The following SLC44A5 variants were observed in gnomAD, a reference collection of about 807,000 sequenced individuals.
SLC44A5 encodes choline transporter-like protein 5.
In SLC44A5, 57 loss-of-function variants were observed where a neutral mutation model predicts 101.8. That is an observed-to-expected ratio of 0.56 (90% CI 0.45 to 0.70). The LOEUF (loss-of-function observed/expected upper bound fraction) is 0.70, where lower values mean the gene tolerates loss of function less well. SLC44A5 is among the 30% of genes least tolerant of loss of function. SLC44A5 has a pLI of 0.00. For synonymous variants in SLC44A5, 281 were observed against 290.9 expected, an observed-to-expected ratio of 0.97 and a Z score of 0.35; for missense variants, 737 against 853.1, an observed-to-expected ratio of 0.86 and a Z score of 1.70.
At chr1:75,426,833 G>C (rs761542907) in intron 2 of SLC44A5, among the ~76,000 whole-genome samples, 2 of 152,188 alleles carry the variant, frequency 1.3e-5, no homozygotes, top group African/African-American at 4.8e-5. Flanking sequence ...CTATTCTAGC[G>C]GCACTGATAG....
chr1:75,428,932 T>C (rs1664460391), intron 2 of SLC44A5, among the ~76,000 whole-genome samples: 1 of 152,196 alleles, frequency 6.6e-6, no homozygotes, highest in South Asian at 2.1e-4. Flanking sequence ...CTTTCCACAA[T>C]ACCAAATAGT....
chr1:75,227,796 A>C lies in SLC44A5; in HGVS notation c.915T>G (p.Thr305=), dbSNP rs1161120567. ...TAGTCTGAATCCCGATGTCATAGAT[A>C]GTTAATACAGAACTTGGGCGTTCCT... ...NLQERPSSVL[T]IYDIGIQTNI... The change falls in exon 13 of 24, where the codon ACT becomes ACG. Residue 305 remains threonine, a synonymous_variant. Transcript: ENST00000370859. 1 of 1,599,248 alleles carries C rather than the reference A, an allele frequency of 6.3e-7. No homozygotes were observed. The highest frequency in any genetic ancestry group is 8.5e-7 in the Non-Finnish European group (1 of 1,175,940).
At chr1:75,512,432 G>GT (rs1019535045) in intron 2 of SLC44A5, among the ~76,000 whole-genome samples, 10 of 151,886 alleles carry the variant, frequency 6.6e-5, no homozygotes, top group African/African-American at 1.5e-4. Flanking sequence ...ACTTTCTTGA[G>GT]TTTTTTTTAG....
chr1:75,266,896 C>A (rs1651037539), intron 6 of SLC44A5, among the ~76,000 whole-genome samples: 1 of 152,166 alleles, frequency 6.6e-6, no homozygotes, highest in Non-Finnish European at 1.5e-5. Context: ...GTATCTAAGA[C>A]AGTAAATCAA....
chr1:75,454,700 T>G (rs1384189315), intron 2 of SLC44A5, among the ~76,000 whole-genome samples: 1 of 152,046 alleles, frequency 6.6e-6, no homozygotes, highest in East Asian at 1.9e-4. Flanking sequence ...AATTTCAGGA[T>G]ACAAAATAAA....
At chr1:75,552,046 A>G (rs112693878) in intron 1 of SLC44A5, among the ~76,000 whole-genome samples, 37 of 152,232 alleles carry the variant, frequency 2.4e-4, no homozygotes, top group African/African-American at 8.9e-4. Context: ...TCCATAGTTC[A>G]TCACTCAATA....
intron 5 of SLC44A5, among the ~76,000 whole-genome samples, chr1:75,288,218 T>G (rs1570582404): frequency 6.6e-6 from 1 of 152,356 alleles, no homozygotes; most frequent in South Asian, 2.1e-4. Flanking sequence ...TGTGTTAAGC[T>G]TATAGCTACA....
chr1:75,564,181 G>A (rs1672662327), intron 1 of SLC44A5, among the ~76,000 whole-genome samples: 1 of 152,090 alleles, frequency 6.6e-6, no homozygotes, highest in African/African-American at 2.4e-5. Context: ...ACTGACCTGT[G>A]AAAACAAAAA....
At chr1:75,567,275 A>G (rs1467296811) in intron 1 of SLC44A5, among the ~76,000 whole-genome samples, 1 of 152,204 alleles carries the variant, frequency 6.6e-6, no homozygotes, top group African/African-American at 2.4e-5. Flanking sequence ...TCCCCCACAT[A>G]GATGACAACC....
chr1:75,472,112 G>C (rs1667145821), intron 2 of SLC44A5, among the ~76,000 whole-genome samples: 1 of 151,180 alleles, frequency 6.6e-6, no homozygotes, highest in African/African-American at 2.4e-5. Flanking sequence ...ACTGGGGCCT[G>C]GGTGTTTATT....
chr1:75,496,588 A>G (rs1243840300), intron 2 of SLC44A5, among the ~76,000 whole-genome samples: 2 of 151,014 alleles, frequency 1.3e-5, no homozygotes, highest in African/African-American at 4.9e-5. Context: ...TCACAAGCAC[A>G]CAAGGAAACA....
chr1:75,619,808 T>C, the SLC44A5 span, among the ~76,000 whole-genome samples: 1 of 152,182 alleles, frequency 6.6e-6, no homozygotes, highest in East Asian at 1.9e-4. Flanking sequence ...ATTTGTGTGA[T>C]AGGTGTTTCT....
chr1:75,609,654 A>C (rs1557960258), intron 1 of SLC44A5, among the ~76,000 whole-genome samples: 1 of 152,076 alleles, frequency 6.6e-6, no homozygotes, highest in African/African-American at 2.4e-5. Flanking sequence ...CAGAGGAGAA[A>C]GCAAGCTGCT....
chr1:75,324,818 A>C (rs1471162097), intron 4 of SLC44A5, among the ~76,000 whole-genome samples: 1 of 152,180 alleles, frequency 6.6e-6, no homozygotes, highest in Non-Finnish European at 1.5e-5. Flanking sequence ...TATCTGCTCC[A>C]TGGTTTTAAA....
rs4035634 is a variant in SLC44A5, at chr1:75,271,497, T to TTGTGTGTGTGTGTG, written c.260+3447_260+3460dup. Among the ~76,000 whole-genome samples the TTGTGTGTGTGTGTG allele has an allele frequency of 1.4e-3, 199 of 146,400 alleles. 1 individual carries two copies. The highest frequency in any genetic ancestry group is 4.5e-3 in the African/African-American group (177 of 39,364). ...AGTCCATTATATCACTCTGCATGTTTTGTGTGTGTGTGTGTGTGTGTGTGT... is the reference window on the plus strand; with the variant it reads ...AGTCCATTATATCACTCTGCATGTTTTGTGTGTGTGTGTGTGTGTGTGTGTGTGTGTGTGTGTGT... On this transcript the variant is annotated intron_variant, in intron 6 of 23. Coordinates refer to ENST00000370859, the MANE Select transcript of SLC44A5 (RefSeq NM_001130058.2).
At chr1:75,518,590 T>A (rs1327700058) in intron 2 of SLC44A5, among the ~76,000 whole-genome samples, 3 of 152,154 alleles carry the variant, frequency 2.0e-5, no homozygotes, top group African/African-American at 7.2e-5. Context: ...GAAAAAAATC[T>A]GAAAAGCAAC....
the SLC44A5 span, among the ~76,000 whole-genome samples, chr1:75,693,630 A>T: frequency 6.6e-6 from 1 of 152,182 alleles, no homozygotes; most frequent in African/African-American, 2.4e-5. Flanking sequence ...AAGCCTGATA[A>T]AAATGGTACG....
chr1:75,345,427 A>G (rs1224895093), intron 3 of SLC44A5, among the ~76,000 whole-genome samples: 6 of 152,158 alleles, frequency 3.9e-5, no homozygotes, highest in Non-Finnish European at 5.9e-5. Context: ...AGGGAAAAAA[A>G]GTTGGGAAAC....
chr1:75,600,997 A>C (rs1207697189), intron 1 of SLC44A5, among the ~76,000 whole-genome samples: 1 of 152,204 alleles, frequency 6.6e-6, no homozygotes, highest in Non-Finnish European at 1.5e-5. Flanking sequence ...AAAATGAATC[A>C]AGTGCATGAC....
Sources: allele counts gnomAD v4.1 joint callset (sites outside exome capture counted in the v4.1 genomes callset), GRCh38; gene constraint gnomAD v4.1.1; transcripts MANE v1.5; gene names NCBI Gene and HGNC (gene_info 2026-07-23, HGNC 2026-07-21).